The following CHD1L variants were observed in gnomAD, a reference collection of about 807,000 sequenced individuals.
CHD1L encodes the protein chromodomain helicase DNA binding protein 1 like, also known as ATP-dependent chromatin remodeler CHD1L.
CHD1L carries 118 observed loss-of-function variants against 115.9 expected under a neutral mutation model. The ratio of observed to expected loss-of-function variants is 1.02; its 90% CI spans 0.88 to 1.19. The LOEUF is 1.19. Ranked by LOEUF, CHD1L falls within the 50% of genes most tolerant of loss-of-function variation. The pLI, the probability that CHD1L is intolerant of heterozygous loss-of-function variation, is 0.00. For synonymous variants in CHD1L, 411 were observed against 387.1 expected, an observed-to-expected ratio of 1.06 and a Z score of -0.72; for missense variants, 1,179 against 1,065.3, an observed-to-expected ratio of 1.11 and a Z score of -1.49.
At chr1:147,204,127 A>T in the CHD1L span, 1 of 1,045,980 alleles carries the variant, frequency 9.6e-7, no homozygotes, top group Non-Finnish European at 1.5e-6. Flanking sequence ...CTTCTCCCTT[A>T]CTTAAATTCA....
chr1:147,241,975 A>T (rs1664945837), upstream of CHD1L, among the ~76,000 whole-genome samples: 1 of 152,172 alleles, frequency 6.6e-6, no homozygotes, highest in South Asian at 2.1e-4. Flanking sequence ...AGCCCTTAGG[A>T]CACCACCCAG....
chr1:147,287,605 T>TA (rs1683706232), intron 18 of CHD1L, 30 bp from the exon 19 acceptor site: 2 of 1,558,154 alleles, frequency 1.3e-6, no homozygotes, highest in African/African-American at 2.7e-5. Flanking sequence ...TCACCTCCTA[T>TA]AGATGAAAAT....
the CHD1L span, among the ~76,000 whole-genome samples, chr1:147,230,604 C>T: frequency 5.9e-4 from 65 of 110,826 alleles, 8 homozygotes; most frequent in Non-Finnish European, 9.1e-4. Flanking sequence ...CTCCTTGTAC[C>T]TCTGGTAGAA....
At chr1:147,184,788 G>A in the CHD1L span, among the ~76,000 whole-genome samples, 3 of 151,998 alleles carry the variant, frequency 2.0e-5, no homozygotes, top group Non-Finnish European at 4.4e-5. The surrounding 1 kb of genome is among the most constrained non-coding windows in gnomAD (Gnocchi z 4.4). Context: ...CCACTACAAA[G>A]TTATTTTCCC....
At chr1:147,258,710 C>T (rs937925258) in intron 5 of CHD1L, among the ~76,000 whole-genome samples, 2 of 152,154 alleles carry the variant, frequency 1.3e-5, no homozygotes, top group Non-Finnish European at 2.9e-5. Context: ...AGGGCCTCCT[C>T]CTTGTAAGGT....
upstream of CHD1L, among the ~76,000 whole-genome samples, chr1:147,241,610 T>C (rs1559702484): frequency 6.6e-6 from 1 of 152,228 alleles, no homozygotes; most frequent in Non-Finnish European, 1.5e-5. Context: ...TCAGTATTTA[T>C]GAATGACTCA....
chr1:147,212,638 C>A, the CHD1L span: 1 of 1,080,704 alleles, frequency 9.3e-7, no homozygotes, highest in Non-Finnish European at 1.3e-6. Context: ...AGCATATATT[C>A]TCCAAGTGTT....
chr1:147,245,210 G>A (rs1666204939), intron 1 of CHD1L, among the ~76,000 whole-genome samples: 1 of 152,214 alleles, frequency 6.6e-6, no homozygotes. Context: ...AGACCCCACT[G>A]TAGTTTGGTT....
At chr1:147,264,354 G>GTGA (rs1318726797) in intron 6 of CHD1L, 68 bp from the exon 7 acceptor site, 1 of 1,383,312 alleles carries the variant, frequency 7.2e-7, no homozygotes, top group Admixed American at 2.3e-5. Context: ...GGTAAAGGTT[G>GTGA]TGATGGGTAA....
At chr1:147,229,094 T>G in the CHD1L span, among the ~76,000 whole-genome samples, 7 of 152,238 alleles carry the variant, frequency 4.6e-5, no homozygotes, top group Admixed American at 6.5e-5. Context: ...CATGACTATG[T>G]CCTGAATGGT....
chr1:147,271,353 G>A (rs587720976), intron 11 of CHD1L, among the ~76,000 whole-genome samples: 2 of 152,284 alleles, frequency 1.3e-5, no homozygotes, highest in Admixed American at 1.3e-4. Flanking sequence ...CAACAGTTGA[G>A]CACTTACTCA....
At chr1:147,233,217 G>A in the CHD1L span, among the ~76,000 whole-genome samples, 13 of 150,762 alleles carry the variant, frequency 8.6e-5, no homozygotes, top group African/African-American at 1.5e-4. Context: ...GAGACCCTCC[G>A]CCTGGCAACT....
At position 147,288,347 on chromosome 1, in the gene CHD1L, G is replaced by GAAAAGA. The variant is rs1553967883; in HGVS notation, c.2320+618_2320+619insGAAAAA. Among the ~76,000 whole-genome samples the GAAAAGA allele has an allele frequency of 3.9e-3, 472 of 122,400 alleles. 14 individuals carry two copies. The highest frequency in any genetic ancestry group is 0.014 in the African/African-American group (444 of 30,944). 80.3% of individuals were successfully genotyped at this position (122,400 alleles called of 152,430 possible). A position where few individuals can be genotyped will look rare whatever the true frequency, so the allele number is the denominator to read the frequency against. On this transcript the variant is annotated intron_variant, in intron 19 of 22. Transcript: ENST00000369258. ...CAATAAAAAAAAAAAAAAAAAAAAA[G>GAAAAGA]AAAAAGAGAACTATTGGAATAAACA...
chr1:147,232,158 C>T, the CHD1L span, among the ~76,000 whole-genome samples: 1 of 152,144 alleles, frequency 6.6e-6, no homozygotes, highest in Non-Finnish European at 1.5e-5. Context: ...GGAAAGGTGG[C>T]TGACAAGCAT....
At position 147,271,013 on chromosome 1, in the gene CHD1L, CT is replaced by C; in HGVS notation, c.1159+12del. ...ACTATATGGATTACAGAGGTGACACCTTTTGGCCACTACATTACCTAAGGCT... is the reference window on the plus strand; with the variant it reads ...ACTATATGGATTACAGAGGTGACACCTTTGGCCACTACATTACCTAAGGCT... On this transcript the variant is annotated intron_variant, in intron 11 of 22. Transcript: ENST00000369258. The C allele has an allele frequency of 6.2e-7, 1 of 1,610,270 alleles. No individual in the cohort carries two copies. Among genetic ancestry groups the C allele is most frequent in the Non-Finnish European group, 8.5e-7 (1 of 1,176,604 alleles).
chr1:147,283,660 T>C (rs1469982829), intron 15 of CHD1L, among the ~76,000 whole-genome samples: 3 of 152,224 alleles, frequency 2.0e-5, no homozygotes, highest in Non-Finnish European at 4.4e-5. Flanking sequence ...ATTGTCTTCA[T>C]TGTTATTATT....
At chr1:147,192,423 G>A in the CHD1L span, among the ~76,000 whole-genome samples, 1 of 152,184 alleles carries the variant, frequency 6.6e-6, no homozygotes, top group Non-Finnish European at 1.5e-5. Context: ...TGAGACAATG[G>A]GGTTTTCTAG....
At chr1:147,275,272 C>A in intron 12 of CHD1L, 82 bp from the exon 13 acceptor site, 1 of 984,456 alleles carries the variant, frequency 1.0e-6, no homozygotes, top group Non-Finnish European at 1.6e-6. Flanking sequence ...GTTTATCAGT[C>A]TGACCCACTC....
At chr1:147,230,914 T>C in the CHD1L span, among the ~76,000 whole-genome samples, 1 of 152,016 alleles carries the variant, frequency 6.6e-6, no homozygotes, top group East Asian at 1.9e-4. Context: ...TTTATTAGTC[T>C]TGCTAGCAGT....
Sources: allele counts gnomAD v4.1 joint callset (sites outside exome capture counted in the v4.1 genomes callset), GRCh38; gene constraint gnomAD v4.1.1; non-coding constraint Gnocchi (gnomAD v3.1); transcripts MANE v1.5; gene names NCBI Gene and HGNC (gene_info 2026-07-23, HGNC 2026-07-21).